The following TUBGCP3 variants were observed in gnomAD, a reference collection of about 807,000 sequenced individuals.
The protein encoded by TUBGCP3 is tubulin gamma complex component 3, also known as gamma-tubulin complex component 3.
TUBGCP3 carries 50 observed loss-of-function variants against 123.1 expected under a neutral mutation model. The ratio of observed to expected loss-of-function variants is 0.41; its 90% CI spans 0.32 to 0.51. The LOEUF (loss-of-function observed/expected upper bound fraction) is 0.51, where lower values mean the gene tolerates loss of function less well. TUBGCP3 is among the 20% of genes least tolerant of loss of function. TUBGCP3 has a pLI of 0.36. For synonymous variants in TUBGCP3, 405 were observed against 413.9 expected (o/e 0.98, Z 0.26); for missense variants, 882 against 1,127.0 (o/e 0.78, Z 3.11).
At chr13:112,494,039 G>A (rs1173121307) in intron 20 of TUBGCP3, among the ~76,000 whole-genome samples, 3 of 149,932 alleles carry the variant, frequency 2.0e-5, no homozygotes, top group Non-Finnish European at 4.4e-5. Flanking sequence ...CTCTAGCTTT[G>A]GGAATGGGGC....
chr13:112,522,574 G>A, intron 13 of TUBGCP3, 65 bp from the exon 14 acceptor site: 2 of 1,513,068 alleles, frequency 1.3e-6, no homozygotes, highest in Non-Finnish European at 1.8e-6. Context: ...GAGGAGAAAT[G>A]AAGGCACATA....
In TUBGCP3 at chr13:112,525,501, T is replaced by C. The variant is rs138675430; in HGVS notation, c.1555+1441A>G. On this transcript the variant is annotated intron_variant, in intron 13 of 21. Coordinates refer to ENST00000261965, the MANE Select transcript of TUBGCP3 (RefSeq NM_006322.6). ...TGGTGAAGTCATTGTCTCTTTCCTGTAGCTACCACAGTGTCCTACGCAAAG... is the reference window on the plus strand; with the variant it reads ...TGGTGAAGTCATTGTCTCTTTCCTGCAGCTACCACAGTGTCCTACGCAAAG... Among the ~76,000 whole-genome samples the C allele has an allele frequency of 4.8e-3, 725 of 152,358 alleles. 5 individuals carry two copies. The highest frequency in any genetic ancestry group is 0.017 in the African/African-American group (689 of 41,580).
At chr13:112,571,242 G>C (rs1422187071) in intron 1 of TUBGCP3, among the ~76,000 whole-genome samples, 3 of 152,140 alleles carry the variant, frequency 2.0e-5, no homozygotes, top group African/African-American at 7.2e-5. Context: ...CACTATCTAT[G>C]GCAACTATAG....
chr13:112,565,513 T>C (rs551444557), intron 2 of TUBGCP3, among the ~76,000 whole-genome samples: 25 of 152,314 alleles, frequency 1.6e-4, no homozygotes, highest in African/African-American at 5.8e-4. Context: ...CAGTTAACAG[T>C]GGTCACCTGG....
chr13:112,568,858 G>A (rs776643680), intron 2 of TUBGCP3, among the ~76,000 whole-genome samples: 10 of 152,216 alleles, frequency 6.6e-5, no homozygotes, highest in African/African-American at 2.4e-4. Flanking sequence ...GCAGAGCCCT[G>A]CCAGGGATAA....
intron 11 of TUBGCP3, among the ~76,000 whole-genome samples, chr13:112,542,777 G>C (rs1048570367): frequency 6.6e-5 from 10 of 152,076 alleles, no homozygotes; most frequent in Non-Finnish European, 1.3e-4. Context: ...TCTTGACTTC[G>C]ATAGTGACTT....
At chr13:112,491,904 C>CAAA (rs994850176) in intron 20 of TUBGCP3, among the ~76,000 whole-genome samples, 2 of 152,230 alleles carry the variant, frequency 1.3e-5, no homozygotes, top group Non-Finnish European at 2.9e-5. Context: ...GGAGCTTTTT[C>CAAA]TTTCATTATG....
chr13:112,541,221 G>C (rs1027491292), intron 11 of TUBGCP3, among the ~76,000 whole-genome samples: 2 of 152,206 alleles, frequency 1.3e-5, no homozygotes, highest in East Asian at 3.9e-4. Context: ...TAAAGAACTC[G>C]CGGTACCTTT....
chr13:112,539,246 C>T (rs1193566034), intron 11 of TUBGCP3, among the ~76,000 whole-genome samples: 2 of 152,136 alleles, frequency 1.3e-5, no homozygotes, highest in Non-Finnish European at 2.9e-5. Context: ...GAAGGGAAGG[C>T]CCAGAGAGGT....
At chr13:112,588,249 T>C (rs1371957178), upstream of TUBGCP3, 1 of 313,514 alleles carries the variant, frequency 3.2e-6, no homozygotes, top group Non-Finnish European at 5.8e-6. Context: ...TTCCCCCTGC[T>C]GCTGCCCGGT....
intron 8 of TUBGCP3, among the ~76,000 whole-genome samples, chr13:112,551,099 C>A (rs1460384500): frequency 6.6e-6 from 1 of 150,630 alleles, no homozygotes; most frequent in Non-Finnish European, 1.5e-5. Flanking sequence ...ACGACTCCGT[C>A]TCAAAAAAAA....
chr13:112,563,067 C>G (rs1333159282), intron 3 of TUBGCP3, among the ~76,000 whole-genome samples: 1 of 152,188 alleles, frequency 6.6e-6, no homozygotes, highest in African/African-American at 2.4e-5. Context: ...CACCCTCCCC[C>G]TTCGGACTTT....
At chr13:112,587,450 G>A (rs1310260332) in intron 1 of TUBGCP3, 6 of 157,516 alleles carry the variant, frequency 3.8e-5, no homozygotes, top group Middle Eastern at 6.2e-3. Context: ...CCTCCGCGGC[G>A]CAGCCGCTCT....
chr13:112,529,898 T>C (rs1054509120), intron 11 of TUBGCP3, among the ~76,000 whole-genome samples: 1 of 152,106 alleles, frequency 6.6e-6, no homozygotes, highest in African/African-American at 2.4e-5. Flanking sequence ...TCTTTAAAAA[T>C]TACATAGCAA....
intron 1 of TUBGCP3, among the ~76,000 whole-genome samples, chr13:112,579,959 T>G (rs1882165266): frequency 6.6e-6 from 1 of 152,194 alleles, no homozygotes; most frequent in Admixed American, 6.5e-5. Flanking sequence ...GTAAAATGGA[T>G]AAACTGGTTC....
At chr13:112,520,505 G>A (rs1180044588) in intron 14 of TUBGCP3, among the ~76,000 whole-genome samples, 2 of 151,968 alleles carry the variant, frequency 1.3e-5, no homozygotes, top group East Asian at 3.9e-4. Flanking sequence ...CTGCCTGGGT[G>A]ACAGACAGAG....
At chr13:112,547,326 A>T (rs1471712303) in intron 10 of TUBGCP3, 1 of 409,632 alleles carries the variant, frequency 2.4e-6, no homozygotes, top group Non-Finnish European at 4.2e-6. Flanking sequence ...TGCCAGCCCG[A>T]GCTTCTACCA....
At position 112,588,137 on chromosome 13, in the gene TUBGCP3, G is replaced by A. The variant is rs951126483; in HGVS notation, c.-157C>T. On this transcript the variant is annotated 5_prime_UTR_variant, in exon 1 of 22. Transcript: ENST00000261965. ...CGGCCACCAGGGCGCCATTTTAACG[G>A]AACCCGCCGAAAGCGCGGGCGCTTC... 1 of 535,226 alleles carries A rather than the reference G, an allele frequency of 1.9e-6. No individual in the cohort carries two copies. Among genetic ancestry groups the A allele is most frequent in the Non-Finnish European group, 3.0e-6 (1 of 336,618 alleles). The allele number at this position is 535,226 out of a possible 1,614,324, so 33.2% of individuals were successfully genotyped here. A position where few individuals can be genotyped will look rare whatever the true frequency, so the allele number is the denominator to read the frequency against.
chr13:112,546,071 C>CA, intron 10 of TUBGCP3: 2 of 527,476 alleles, frequency 3.8e-6, no homozygotes, highest in Non-Finnish European at 6.7e-6. Flanking sequence ...CCTGGCTTTA[C>CA]ACAAGTGTGT....
Sources: allele counts gnomAD v4.1 joint callset (sites outside exome capture counted in the v4.1 genomes callset), GRCh38; gene constraint gnomAD v4.1.1; transcripts MANE v1.5; gene names NCBI Gene and HGNC (gene_info 2026-07-23, HGNC 2026-07-21).